Variants in GAREM1 observed in about 807,000 individuals in gnomAD.
GAREM1 encodes the protein GRB2 associated regulator of MAPK1 subtype 1.
In GAREM1, 26 loss-of-function variants were observed where a neutral mutation model predicts 71.3. That is an observed-to-expected ratio of 0.36 (90% CI 0.27 to 0.51). The LOEUF (loss-of-function observed/expected upper bound fraction) is 0.51, where lower values mean the gene tolerates loss of function less well. Among genes scored for constraint, GAREM1 ranks in the 20% least tolerant of loss-of-function variants. The probability of loss-of-function intolerance (pLI) is 0.95; values close to 1 mark genes in which losing one functional copy is unlikely to be tolerated. For synonymous variants in GAREM1, 440 were observed against 433.2 expected, an observed-to-expected ratio of 1.02 and a Z score of -0.20; for missense variants, 1,026 against 1,103.1, an observed-to-expected ratio of 0.93 and a Z score of 0.99.
At chr18:32,294,491 A>G (rs2047120451) in intron 3 of GAREM1, among the ~76,000 whole-genome samples, 1 of 152,208 alleles carries the variant, frequency 6.6e-6, no homozygotes, top group African/African-American at 2.4e-5. Context: ...CATTTTTTCT[A>G]TGGTTTGTAA....
chr18:32,275,013 T>C (rs765149680), intron 4 of GAREM1, among the ~76,000 whole-genome samples: 4 of 151,752 alleles, frequency 2.6e-5, no homozygotes, highest in Non-Finnish European at 4.4e-5. Flanking sequence ...ATCTTTTATA[T>C]GTTTATGTGG....
intron 2 of GAREM1, among the ~76,000 whole-genome samples, chr18:32,353,771 A>G (rs1004528350): frequency 3.9e-5 from 6 of 152,310 alleles, no homozygotes; most frequent in African/African-American, 1.4e-4. Flanking sequence ...AAGTATATGG[A>G]AATACTAGAA....
intron 2 of GAREM1, among the ~76,000 whole-genome samples, chr18:32,356,400 C>G (rs976992136): frequency 4.6e-5 from 7 of 152,136 alleles, no homozygotes; most frequent in African/African-American, 1.7e-4. Context: ...ATCACAAAGA[C>G]AAACAAATAT....
intron 2 of GAREM1, among the ~76,000 whole-genome samples, chr18:32,389,068 G>T (rs1185556189): frequency 6.6e-6 from 1 of 152,140 alleles, no homozygotes. Context: ...GGTGGGGAGG[G>T]AGGAGGGTAA....
chr18:32,338,813 A>G (rs532008066), intron 2 of GAREM1, among the ~76,000 whole-genome samples: 15 of 152,278 alleles, frequency 9.9e-5, no homozygotes, highest in African/African-American at 3.6e-4. Context: ...CGGTATACAG[A>G]TATCTGGTCA....
intron 2 of GAREM1, among the ~76,000 whole-genome samples, chr18:32,392,155 C>G (rs924009427): frequency 4.0e-5 from 6 of 150,950 alleles, no homozygotes; most frequent in African/African-American, 1.5e-4. Flanking sequence ...GGCTAAGATC[C>G]TTTATATAAT....
At chr18:32,289,484 T>C (rs2047058129) in intron 3 of GAREM1, among the ~76,000 whole-genome samples, 1 of 152,220 alleles carries the variant, frequency 6.6e-6, no homozygotes, top group African/African-American at 2.4e-5. Context: ...TGATTACTTT[T>C]TGTGTAAATG....
At chr18:32,359,613 C>T (rs532322810) in intron 2 of GAREM1, among the ~76,000 whole-genome samples, 1 of 152,186 alleles carries the variant, frequency 6.6e-6, no homozygotes, top group African/African-American at 2.4e-5. Context: ...AAGCATAAAA[C>T]CTGTCTCAAT....
intron 1 of GAREM1, among the ~76,000 whole-genome samples, chr18:32,448,660 T>C (rs1411588534): frequency 6.6e-6 from 1 of 151,218 alleles, no homozygotes; most frequent in Non-Finnish European, 1.5e-5. Context: ...TTTATATATA[T>C]ACAAATATCA....
At chr18:32,379,512 C>A (rs944731451) in intron 2 of GAREM1, among the ~76,000 whole-genome samples, 8 of 149,312 alleles carry the variant, frequency 5.4e-5, no homozygotes, top group African/African-American at 2.0e-4. Flanking sequence ...CAAGACCAGC[C>A]TGACCAATGT....
rs2047026462 is a variant in GAREM1 at position 32,287,070 on chromosome 18, A to G, written c.1527T>C (p.Thr509=). 6.2e-7 allele frequency: 1 copy of G among 1,614,210 alleles called. No individual in the cohort carries two copies. Among genetic ancestry groups the G allele is most frequent in the Non-Finnish European group, 8.5e-7 (1 of 1,180,008 alleles). Reference sequence around the variant, plus strand: ...GAGGCACTGGAGGTGGAGGTAGGGCAGTATCTGAAGACTTCACTGCTGCTC... The same window carrying G: ...GAGGCACTGGAGGTGGAGGTAGGGCGGTATCTGAAGACTTCACTGCTGCTC... ...TLGAAVKSSD[T]ALPPPPVPPK... is the part of the protein sequence containing the mutation. The change falls in exon 4 of 6, where the codon ACT becomes ACC. Residue 509 remains threonine, a synonymous_variant. Coordinates refer to ENST00000269209, the MANE Select transcript of GAREM1 (RefSeq NM_001242409.2). This position sits in a 1 kb window ranked among gnomAD's most constrained non-coding sequence, Gnocchi z 5.9.
At chr18:32,275,181 G>T (rs1476600349) in intron 4 of GAREM1, among the ~76,000 whole-genome samples, 1 of 152,130 alleles carries the variant, frequency 6.6e-6, no homozygotes, top group Non-Finnish European at 1.5e-5. Context: ...AAATGACAGT[G>T]ACAGTATTCC....
At chr18:32,310,925 G>C (rs677137) in intron 2 of GAREM1, among the ~76,000 whole-genome samples, 25,103 of 152,192 alleles carry the variant, frequency 0.16, 2,292 homozygotes, top group African/African-American at 0.23. Context: ...AGCAGCAGCA[G>C]ACAGCTGTCT....
In GAREM1 at chr18:32,417,731, G is replaced by A. The variant is rs559671620; in HGVS notation, c.122-24696C>T. ...TGGTTACAAGAGGTTGGGAAAGGTA[G>A]TGGGGGTGGGAGGAAGGTGGGGATG... On this transcript the variant is annotated intron_variant, in intron 1 of 5. Coordinates refer to ENST00000269209, the MANE Select transcript of GAREM1 (RefSeq NM_001242409.2). Among the ~76,000 whole-genome samples, 8 of 152,220 alleles carry A rather than the reference G, an allele frequency of 5.3e-5. No individual in the cohort carries two copies. The South Asian group carries it at 1.5e-3, about 28-fold the overall frequency.
intron 1 of GAREM1, among the ~76,000 whole-genome samples, chr18:32,456,230 C>A (rs994718614): frequency 6.6e-6 from 1 of 151,942 alleles, no homozygotes; most frequent in Non-Finnish European, 1.5e-5. Context: ...ATACAGATAG[C>A]ATCTAGAAAT....
At chr18:32,276,497 T>C (rs1385928638) in intron 4 of GAREM1, among the ~76,000 whole-genome samples, 1 of 152,132 alleles carries the variant, frequency 6.6e-6, no homozygotes, top group African/African-American at 2.4e-5. Context: ...ATCTGGTAAG[T>C]GTGATAAGAC....
intron 1 of GAREM1, among the ~76,000 whole-genome samples, chr18:32,434,108 T>G (rs1329653881): frequency 6.6e-6 from 1 of 152,090 alleles, no homozygotes; most frequent in Non-Finnish European, 1.5e-5. Context: ...AATCCAAAAA[T>G]AGATCCACCC....
At chr18:32,357,302 C>A (rs1312113595) in intron 2 of GAREM1, among the ~76,000 whole-genome samples, 2 of 152,172 alleles carry the variant, frequency 1.3e-5, no homozygotes, top group Admixed American at 1.3e-4. Context: ...CACAGCGAGA[C>A]CCTGTCTCAA....
At chr18:32,417,237 T>C (rs559499012) in intron 1 of GAREM1, among the ~76,000 whole-genome samples, 1 of 152,080 alleles carries the variant, frequency 6.6e-6, no homozygotes, top group African/African-American at 2.4e-5. Flanking sequence ...GGCAAGGGCA[T>C]GGAAAAAAGG....
Sources: gnomAD v4.1 joint callset for allele counts (sites outside exome capture counted in the v4.1 genomes callset) on GRCh38, gnomAD v4.1.1 for gene constraint, Gnocchi (gnomAD v3.1) non-coding constraint, MANE v1.5 for transcripts, NCBI Gene and HGNC (gene_info 2026-07-23, HGNC 2026-07-21) for gene names.